ZFHX4: variants seen among roughly 807,000 people sequenced by gnomAD.
ZFHX4 encodes zinc finger homeobox 4.
A neutral mutation model predicts 267.6 loss-of-function variants in ZFHX4; 56 were observed. That is an observed-to-expected ratio of 0.21 (90% CI 0.17 to 0.26). The LOEUF (loss-of-function observed/expected upper bound fraction) is 0.26, where lower values mean the gene tolerates loss of function less well. Ranked by LOEUF, ZFHX4 falls within the 10% of genes least tolerant of loss-of-function variation. The pLI is 1.00. For missense variants in ZFHX4, 4,332 were observed against 4,420.0 expected, an observed-to-expected ratio of 0.98 and a Z score of 0.56; for synonymous variants, 1,778 against 1,665.6, an observed-to-expected ratio of 1.07 and a Z score of -1.64.
rs945215169 is a variant in ZFHX4 at position 76,702,081 on chromosome 8, C to G, written c.-46-1962C>G. ...AAAGATAAACATTAATGTTTATGGA[C>G]TAATTAGAAAATTATTAGGTTTTCT... On this transcript the variant is annotated intron_variant, in intron 1 of 10. Coordinates refer to ENST00000651372, the MANE Select transcript of ZFHX4 (RefSeq NM_024721.5). Among the ~76,000 whole-genome samples the G allele has an allele frequency of 3.9e-5, 6 of 152,060 alleles. No homozygotes were observed. In the East Asian group the frequency reaches 9.6e-4, roughly 24 times the overall value.
intron 4 of ZFHX4, among the ~76,000 whole-genome samples, chr8:76,806,777 T>C (rs928125838): frequency 1.3e-5 from 2 of 152,126 alleles, no homozygotes; most frequent in African/African-American, 4.8e-5. Flanking sequence ...CAAAATGTTT[T>C]TGATTTTTTT....
chr8:76,829,164 A>G (rs577359346), intron 4 of ZFHX4, among the ~76,000 whole-genome samples: 49 of 152,024 alleles, frequency 3.2e-4, no homozygotes, highest in African/African-American at 1.1e-3. Context: ...TCTGAATCTT[A>G]TAATTCTCTG....
At chr8:76,814,700 A>G (rs762351223) in intron 4 of ZFHX4, among the ~76,000 whole-genome samples, 1 of 152,158 alleles carries the variant, frequency 6.6e-6, no homozygotes, top group Non-Finnish European at 1.5e-5. Flanking sequence ...CACTAATCTT[A>G]CCATGTATTC....
intron 3 of ZFHX4, among the ~76,000 whole-genome samples, chr8:76,711,219 AG>A (rs1808415296): frequency 6.6e-6 from 1 of 152,142 alleles, no homozygotes; most frequent in Admixed American, 6.5e-5. Context: ...TTTTTTTAAA[AG>A]CAATTTTGTT....
intron 4 of ZFHX4, among the ~76,000 whole-genome samples, chr8:76,801,547 C>G (rs1158793866): frequency 1.3e-5 from 2 of 152,166 alleles, no homozygotes; most frequent in African/African-American, 4.8e-5. Flanking sequence ...CAACCATTTT[C>G]TTTTCTGCTC....
intron 3 of ZFHX4, among the ~76,000 whole-genome samples, chr8:76,751,822 G>C (rs567350180): frequency 5.7e-4 from 87 of 152,262 alleles, no homozygotes; most frequent in African/African-American, 1.0e-3. Context: ...TAGCTACGAT[G>C]ATGAGCATCA....
At chr8:76,783,098 T>C (rs1450711520) in intron 4 of ZFHX4, among the ~76,000 whole-genome samples, 1 of 151,996 alleles carries the variant, frequency 6.6e-6, no homozygotes, top group Non-Finnish European at 1.5e-5. Context: ...TGGTTGCAAT[T>C]TTGTCATGGC....
At chr8:76,837,857 A>T (rs1164299083) in intron 5 of ZFHX4, among the ~76,000 whole-genome samples, 1 of 152,212 alleles carries the variant, frequency 6.6e-6, no homozygotes. Flanking sequence ...CACTAATCCT[A>T]GTTCAGGGTT....
rs1326043916 is a variant in ZFHX4, at chr8:76,851,505, T to C, written c.4584T>C (p.Asn1528=). The C allele has an allele frequency of 5.0e-6, 8 of 1,613,792 alleles. No homozygotes were observed. In the African/African-American group the frequency reaches 1.1e-4, roughly 22 times the overall value. The part of the protein sequence containing the change: ...KRTLPFRKGP[N]FTMEKFLDPS... Reference sequence around the variant, plus strand: ...CCTTACCTTTTAGAAAAGGGCCCAATTTTACGATGGAAAAATTCCTTGATC... The same window carrying C: ...CCTTACCTTTTAGAAAAGGGCCCAACTTTACGATGGAAAAATTCCTTGATC... The change falls in exon 10 of 11, where the codon AAT becomes AAC. Residue 1528 remains asparagine, a synonymous_variant. Transcript: ENST00000651372.
In ZFHX4 at chr8:76,853,976, C is replaced by G. The variant is rs763192128; in HGVS notation, c.7055C>G (p.Ser2352Cys). The G allele has an allele frequency of 1.2e-6, 2 of 1,613,802 alleles. No individual in the cohort carries two copies. Among genetic ancestry groups the G allele is most frequent in the South Asian group, 2.2e-5 (2 of 91,066 alleles). ...DAQDESQTED[S>C]MDATDQVVYK... Reference sequence around the variant, plus strand: ...CAAGATGAAAGCCAAACAGAAGACTCCATGGATGCCACTGATCAAGTGGTA... The same window carrying G: ...CAAGATGAAAGCCAAACAGAAGACTGCATGGATGCCACTGATCAAGTGGTA... The change falls in exon 10 of 11, where the codon TCC becomes TGC. Residue 2352 changes from serine to cysteine, a missense_variant. Ser to Cys is a moderately radical substitution (Grantham distance 112, BLOSUM62 -1). Around this residue, in one of 7 missense-constraint regions of ZFHX4, gnomAD observed 1,648 missense variants for 1,625.0 expected, o/e 1.01. Coordinates refer to ENST00000651372, the MANE Select transcript of ZFHX4 (RefSeq NM_024721.5).
At chr8:76,850,830 A>T in intron 9 of ZFHX4, 56 bp from the exon 10 acceptor site, 2 of 1,423,944 alleles carry the variant, frequency 1.4e-6, no homozygotes, top group Non-Finnish European at 1.9e-6. Context: ...ATTAATTAAT[A>T]TTTAAGGAGT....
chr8:76,807,767 A>G (rs1316981264), intron 4 of ZFHX4, among the ~76,000 whole-genome samples: 1 of 152,164 alleles, frequency 6.6e-6, no homozygotes, highest in Admixed American at 6.6e-5. Flanking sequence ...AAGATTTACA[A>G]TCAATGCCTC....
chr8:76,713,282 AAGATAGAT>A lies in ZFHX4; in HGVS notation c.3093+5263_3093+5270del, dbSNP rs142140233. Among the ~76,000 whole-genome samples, 964 of 143,182 alleles carry A rather than the reference AAGATAGAT, an allele frequency of 6.7e-3. 2 individuals carry two copies. Among genetic ancestry groups the A allele is most frequent in the Middle Eastern group, 0.045 (13 of 292 alleles). 93.9% of individuals were successfully genotyped at this position (143,182 alleles called of 152,430 possible). On this transcript the variant is annotated intron_variant, in intron 3 of 10. Coordinates refer to ENST00000651372, the MANE Select transcript of ZFHX4 (RefSeq NM_024721.5). ...ATCAAAGGATAGAGAGATAGATAGA[AAGATAGAT>A]AGATAGATAGATAGATAGATAGATA...
Position 76,781,574 on chromosome 8 carries a change from A to ACT in ZFHX4, c.3325+3135_3325+3136insCT, listed in dbSNP as rs1810549040. Among the ~76,000 whole-genome samples the ACT allele has an allele frequency of 2.0e-5, 3 of 152,186 alleles. No homozygotes were observed. The East Asian group carries it at 5.8e-4, about 29-fold the overall frequency. Reference sequence around the variant, plus strand: ...TCATTTGATTTTGTTGGCATTGTGGATGCATAATTTGGGTGGAAGATTTTT... The same window carrying ACT: ...TCATTTGATTTTGTTGGCATTGTGGACTTGCATAATTTGGGTGGAAGATTTTT... On this transcript the variant is annotated intron_variant, in intron 4 of 10. Transcript: ENST00000651372.
intron 1 of ZFHX4, among the ~76,000 whole-genome samples, chr8:76,695,006 GGAGA>G (rs1300197056): frequency 6.6e-6 from 1 of 151,898 alleles, no homozygotes; most frequent in East Asian, 1.9e-4. Flanking sequence ...AAGGGCTTTT[GGAGA>G]GAGACATTTT....
rs752514096 is a variant in ZFHX4, at chr8:76,705,865, T to A, written c.1777T>A (p.Phe593Ile). Residue 593 changes from phenylalanine to isoleucine, a missense_variant, in exon 2 of 11, where the codon TTT becomes ATT. This residue lies in a region of ZFHX4 where 1,195 missense variants were observed against 1,173.6 expected (regional missense o/e 1.02). Transcript: ENST00000651372. ...TTCAGCCACTCCTCACCAGCATGGC[T>A]TTACCCCGAGTACTCCTGGCACACC... ...DSSATPHQHG[F>I]TPSTPGTPGP... 14 of 1,613,450 alleles carry A rather than the reference T, an allele frequency of 8.7e-6. No homozygotes were observed. Among genetic ancestry groups the A allele is most frequent in the Non-Finnish European group, 8.5e-7 (1 of 1,179,840 alleles).
chr8:76,861,235 C>A (rs1324174818), intron 10 of ZFHX4, among the ~76,000 whole-genome samples: 2 of 151,924 alleles, frequency 1.3e-5, no homozygotes, highest in African/African-American at 2.4e-5. Flanking sequence ...CCAGGATTTT[C>A]TTTTCTTTTT....
At chr8:76,779,474 G>A (rs1222639211) in intron 4 of ZFHX4, among the ~76,000 whole-genome samples, 3 of 152,082 alleles carry the variant, frequency 2.0e-5, no homozygotes, top group East Asian at 3.9e-4. Flanking sequence ...AGGCCAGTTG[G>A]AAAATCAAAT....
chr8:76,797,468 A>T (rs1253255095), intron 4 of ZFHX4, among the ~76,000 whole-genome samples: 1 of 152,216 alleles, frequency 6.6e-6, no homozygotes, highest in African/African-American at 2.4e-5. Context: ...ATATTATGGG[A>T]TTAAAATGGC....
Sources: gnomAD v4.1 joint callset for allele counts (sites outside exome capture counted in the v4.1 genomes callset) on GRCh38, gnomAD v4.1.1 for gene constraint, gnomAD v4.1.1 regional missense constraint, MANE v1.5 for transcripts, NCBI Gene and HGNC (gene_info 2026-07-23, HGNC 2026-07-21) for gene names.